Variants in DOCK3 observed in about 807,000 individuals in gnomAD.
DOCK3 encodes the protein dedicator of cytokinesis protein 3.
Under a neutral mutation model 265.6 loss-of-function variants are expected in DOCK3, and 60 were observed. The ratio of observed to expected loss-of-function variants is 0.23; its 90% confidence interval spans 0.18 to 0.28. The LOEUF (loss-of-function observed/expected upper bound fraction) is 0.28. DOCK3 is among the 10% of genes least tolerant of loss of function. The pLI is 1.00. For synonymous variants in DOCK3, 881 were observed against 938.0 expected (o/e 0.94, Z 1.11); for missense variants, 1,981 against 2,594.3 (o/e 0.76, Z 5.14).
At chr3:50,847,585 T>C (rs1458381029) in intron 3 of DOCK3, among the ~76,000 whole-genome samples, 3 of 152,110 alleles carry the variant, frequency 2.0e-5, no homozygotes, top group Non-Finnish European at 4.4e-5. Flanking sequence ...CAGTGGGATA[T>C]TGAAATCCCC....
chr3:50,793,691 C>T (rs1365874657), intron 2 of DOCK3, among the ~76,000 whole-genome samples: 1 of 151,972 alleles, frequency 6.6e-6, no homozygotes, highest in African/African-American at 2.4e-5. Flanking sequence ...AAATTCAACC[C>T]CTGCCTTCAA....
intron 27 of DOCK3, among the ~76,000 whole-genome samples, chr3:51,290,953 C>T (rs1402269810): frequency 1.3e-5 from 2 of 152,162 alleles, no homozygotes; most frequent in Non-Finnish European, 2.9e-5. Context: ...TGGCGGGCAC[C>T]TGTAATCCCA....
At chr3:50,845,147 C>T (rs1288420091) in intron 3 of DOCK3, among the ~76,000 whole-genome samples, 6 of 151,818 alleles carry the variant, frequency 4.0e-5, no homozygotes, top group African/African-American at 9.7e-5. Flanking sequence ...CGCTTGAACT[C>T]GGGAGATGGG....
At chr3:51,034,826 C>A (rs2080195399) in intron 5 of DOCK3, among the ~76,000 whole-genome samples, 1 of 151,932 alleles carries the variant, frequency 6.6e-6, no homozygotes, top group Non-Finnish European at 1.5e-5. Context: ...ATTTCACTTT[C>A]ATTTCTTTAA....
chr3:51,228,139 A>C (rs373377229), intron 17 of DOCK3, 51 bp downstream of exon 17: 151 of 1,561,014 alleles, frequency 9.7e-5, no homozygotes, highest in Non-Finnish European at 1.2e-4. Flanking sequence ...CCCTGAGGCC[A>C]CTCTCACACA....
At chr3:51,232,413 A>G (rs1368920132) in intron 19 of DOCK3, among the ~76,000 whole-genome samples, 1 of 152,174 alleles carries the variant, frequency 6.6e-6, no homozygotes, top group African/African-American at 2.4e-5. Context: ...GCTGGATTGA[A>G]TGGTAGATCT....
chr3:50,717,543 G>A (rs933603860), intron 1 of DOCK3, among the ~76,000 whole-genome samples: 3 of 152,034 alleles, frequency 2.0e-5, no homozygotes, highest in Admixed American at 1.3e-4. Flanking sequence ...GGTTTTTTGA[G>A]TATGTGAAAT....
chr3:51,310,357 A>G (rs2082998283), intron 28 of DOCK3, 31 bp downstream of exon 28: 1 of 1,528,892 alleles, frequency 6.5e-7, no homozygotes, highest in Non-Finnish European at 8.9e-7. Context: ...TATCAGCATC[A>G]CTGAGCTGTT....
intron 5 of DOCK3, among the ~76,000 whole-genome samples, chr3:51,053,402 T>A (rs1021023877): frequency 1.3e-5 from 2 of 151,340 alleles, no homozygotes; most frequent in Non-Finnish European, 2.9e-5. Context: ...CCCCTTTCAA[T>A]ACTTCCAAAC....
intron 6 of DOCK3, among the ~76,000 whole-genome samples, chr3:51,070,965 C>A (rs1483147819): frequency 1.3e-5 from 2 of 152,164 alleles, no homozygotes; most frequent in Non-Finnish European, 2.9e-5. Flanking sequence ...GCACCCTCCC[C>A]CCGATCCGTG....
chr3:50,834,536 G>A (rs1022798983), intron 2 of DOCK3, among the ~76,000 whole-genome samples: 5 of 152,062 alleles, frequency 3.3e-5, no homozygotes, highest in African/African-American at 9.7e-5. Context: ...AGTGCTTCCC[G>A]TATGATTTGT....
intron 5 of DOCK3, among the ~76,000 whole-genome samples, chr3:51,027,094 A>G (rs1465771535): frequency 3.9e-5 from 6 of 151,990 alleles, no homozygotes; most frequent in Non-Finnish European, 5.9e-5. Context: ...GGCATTTAGG[A>G]GTATAAACTC....
chr3:51,358,276 C>CCACT (rs545144677), intron 46 of DOCK3, among the ~76,000 whole-genome samples, 199 bp downstream of exon 46: 1 of 152,098 alleles, frequency 6.6e-6, no homozygotes, highest in Admixed American at 6.5e-5. Context: ...GAGGATCCTC[C>CCACT]CACTCACTCA....
chr3:51,037,311 A>T (rs2080308154), intron 5 of DOCK3, among the ~76,000 whole-genome samples: 3 of 151,978 alleles, frequency 2.0e-5, no homozygotes, highest in Non-Finnish European at 4.4e-5. Context: ...ATTTTTTTTT[A>T]ATTCCATACG....
intron 32 of DOCK3, among the ~76,000 whole-genome samples, chr3:51,328,562 C>T (rs1364560502): frequency 1.3e-5 from 2 of 150,268 alleles, no homozygotes; most frequent in Non-Finnish European, 2.9e-5. Flanking sequence ...TATATTCAAG[C>T]AACTCACTCA....
At chr3:51,104,706 A>G (rs114549703) in intron 9 of DOCK3, among the ~76,000 whole-genome samples, 2 of 152,134 alleles carry the variant, frequency 1.3e-5, no homozygotes. Context: ...AATCTGAGAA[A>G]AATATATAAA....
In DOCK3 at chr3:51,374,447, G is replaced by A; in HGVS notation, c.5294-22G>A. The A allele has an allele frequency of 6.2e-7, 1 of 1,602,620 alleles. No homozygotes were observed. Among genetic ancestry groups the A allele is most frequent in the African/African-American group, 1.3e-5 (1 of 74,690 alleles). On this transcript the variant is annotated intron_variant, in intron 49 of 52. Coordinates refer to ENST00000266037, the MANE Select transcript of DOCK3 (RefSeq NM_004947.5). This position sits in a 1 kb window ranked among gnomAD's most constrained non-coding sequence, Gnocchi z 4.8. ...CATCTGTGGCTTGTCATCTGTGCTT[G>A]ATTGTTCTCACTTGGTTACAGGCTC...
intron 1 of DOCK3, among the ~76,000 whole-genome samples, chr3:50,720,592 G>A (rs1004136330): frequency 2.6e-5 from 4 of 152,082 alleles, no homozygotes; most frequent in East Asian, 3.8e-4. Context: ...ATAGTGCTGC[G>A]AAGAACATAC....
At chr3:51,015,222 A>G (rs1210389223) in intron 5 of DOCK3, among the ~76,000 whole-genome samples, 1 of 152,084 alleles carries the variant, frequency 6.6e-6, no homozygotes, top group Non-Finnish European at 1.5e-5. Flanking sequence ...TCTTAGAGAA[A>G]AGGCTTTCAG....
Sources: gnomAD v4.1 joint callset for allele counts (sites outside exome capture counted in the v4.1 genomes callset) on GRCh38, gnomAD v4.1.1 for gene constraint, Gnocchi (gnomAD v3.1) non-coding constraint, MANE v1.5 for transcripts, NCBI Gene and HGNC (gene_info 2026-07-23, HGNC 2026-07-21) for gene names.